Variants in RASSF5 observed in about 807,000 individuals in gnomAD.
RASSF5 encodes Ras association domain family member 5.
A neutral mutation model predicts 40.5 loss-of-function variants in RASSF5; 25 were observed. The ratio of observed to expected loss-of-function variants is 0.62; its 90% confidence interval spans 0.45 to 0.86. RASSF5 has a LOEUF of 0.86. RASSF5 is among the 40% of genes least tolerant of loss of function. The probability of loss-of-function intolerance (pLI) is 0.00; values close to 1 mark genes in which losing one functional copy is unlikely to be tolerated. For synonymous variants in RASSF5, 246 were observed against 252.4 expected (o/e 0.97, Z 0.24); for missense variants, 521 against 572.8 (o/e 0.91, Z 0.92).
chr1:206,513,211 C>A lies in RASSF5; in HGVS notation c.457+5152C>A, dbSNP rs149387595. On this transcript the variant is annotated intron_variant, in intron 1 of 5. Coordinates refer to ENST00000579436, the MANE Select transcript of RASSF5 (RefSeq NM_182663.4). The surrounding 1 kb of genome is among the most constrained non-coding windows in gnomAD (Gnocchi z 5.0). ...TTCTCCCACAGGGTTCTCTCTGGCTCCCACACCCACCCCTCATTCCTCAGT... is the reference window on the plus strand; with the variant it reads ...TTCTCCCACAGGGTTCTCTCTGGCTACCACACCCACCCCTCATTCCTCAGT... Among the ~76,000 whole-genome samples the A allele has an allele frequency of 5.9e-5, 9 of 152,306 alleles. No individual in the cohort carries two copies. Among genetic ancestry groups the A allele is most frequent in the African/African-American group, 2.2e-4 (9 of 41,560 alleles).
chr1:206,519,534 CATCTGGCTGGGTCTGG>C (rs1392990917), intron 1 of RASSF5, among the ~76,000 whole-genome samples: 1 of 152,192 alleles, frequency 6.6e-6, no homozygotes, highest in Non-Finnish European at 1.5e-5. Context: ...AGGTCATTGC[CATCTGGCTGGGTCTGG>C]AACCTGCTTC....
chr1:206,507,966 G>C lies in RASSF5; in HGVS notation c.364G>C (p.Gly122Arg). 6.5e-7 allele frequency: 1 copy of C among 1,537,014 alleles called. No homozygotes were observed. The highest frequency in any genetic ancestry group is 8.7e-7 in the Non-Finnish European group (1 of 1,149,080). ...CAGAGTCCCGGCGGAGCGAGGCGAG[G>C]GGCACTGCTTCGCCGAGTTGGTGCT... ...DPRVPAERGEGHCFAELVLPG... is the reference protein window; with the variant it reads ...DPRVPAERGERHCFAELVLPG... The change falls in exon 1 of 6, where the codon GGG (glycine) becomes CGG (arginine). Residue 122 changes from glycine to arginine, a missense_variant. This residue lies in a region of RASSF5 where 237 missense variants were observed against 212.0 expected (regional missense o/e 1.12). Coordinates refer to ENST00000579436, the MANE Select transcript of RASSF5 (RefSeq NM_182663.4).
intron 1 of RASSF5, among the ~76,000 whole-genome samples, chr1:206,537,716 T>C (rs145790598): frequency 9.9e-5 from 15 of 152,266 alleles, no homozygotes; most frequent in African/African-American, 3.6e-4. Context: ...GGAGATCTGA[T>C]TTTCAGCTTG....
At chr1:206,542,647 C>T (rs1310810173) in intron 2 of RASSF5, 3 of 152,380 alleles carry the variant, frequency 2.0e-5, no homozygotes, top group South Asian at 2.1e-4. Flanking sequence ...CTCCCATGGC[C>T]GTTCCCAGAC....
intron 1 of RASSF5, among the ~76,000 whole-genome samples, chr1:206,523,423 T>C (rs369577405): frequency 1.0e-5 from 1 of 96,798 alleles, no homozygotes; most frequent in African/African-American, 3.7e-5. Flanking sequence ...ATATTATATA[T>C]TATATAATAT....
chr1:206,542,558 C>T (rs1019350431), intron 2 of RASSF5: 1 of 152,166 alleles, frequency 6.6e-6, no homozygotes, highest in Admixed American at 6.5e-5. Flanking sequence ...TATATAGCAA[C>T]ACAAAATGGA....
intron 1 of RASSF5, 145 bp from the exon 2 acceptor site, chr1:206,538,027 C>A: frequency 8.6e-7 from 1 of 1,160,138 alleles, no homozygotes; most frequent in Non-Finnish European, 1.3e-6. Flanking sequence ...GGGTGGCATT[C>A]TCACGCTGTC....
In RASSF5 at chr1:206,589,159, G is replaced by A. The variant is rs1346795658; in HGVS notation, c.*2181G>A. 3 of 152,670 alleles carry A rather than the reference G, an allele frequency of 2.0e-5. No homozygotes were observed. The highest frequency in any genetic ancestry group is 2.9e-5 in the Non-Finnish European group (2 of 68,006). 9.5% of individuals were successfully genotyped at this position (152,670 alleles called of 1,614,324 possible). ...AGAGGTGGGAGTAACTGCTGGTAGT[G>A]CCTTCTTTGGTTGTGTTGCTCAGTG... On this transcript the variant is annotated 3_prime_UTR_variant, in exon 6 of 6. Transcript: ENST00000579436.
At chr1:206,526,269 A>AGTGTGTGGGTGTGT (rs1553397197) in intron 1 of RASSF5, among the ~76,000 whole-genome samples, 1 of 143,034 alleles carries the variant, frequency 7.0e-6, no homozygotes, top group African/African-American at 2.7e-5. Flanking sequence ...GCTTTCTGGC[A>AGTGTGTGGGTGTGT]GTGTGTGTGT....
At chr1:206,515,337 A>T (rs190798924) in intron 1 of RASSF5, among the ~76,000 whole-genome samples, 1 of 152,358 alleles carries the variant, frequency 6.6e-6, no homozygotes, top group African/African-American at 2.4e-5. Flanking sequence ...CTTTAGAAAA[A>T]GGGTGAAGTT....
At chr1:206,528,202 A>G (rs1196755729) in intron 1 of RASSF5, among the ~76,000 whole-genome samples, 1 of 152,146 alleles carries the variant, frequency 6.6e-6, no homozygotes, top group Non-Finnish European at 1.5e-5. Context: ...GGAGCCTCAT[A>G]AATATATATA....
At position 206,584,772 on chromosome 1, in the gene RASSF5, G is replaced by C; in HGVS notation, c.988+88G>C. On this transcript the variant is annotated intron_variant, in intron 4 of 5. Transcript: ENST00000579436. The surrounding 1 kb of genome is among the most constrained non-coding windows in gnomAD (Gnocchi z 4.9). ...TAAAACTCCTGCCGGCCTTGGGTGG[G>C]AGCTGTGGGCTTCTCCTGAGCACCA... is the stretch of plus-strand genomic sequence containing the variant. 1 of 1,430,344 alleles carries C rather than the reference G, an allele frequency of 7.0e-7. No individual in the cohort carries two copies. The allele number at this position is 1,430,344 out of a possible 1,614,324, so 88.6% of individuals were successfully genotyped here. A position where few individuals can be genotyped will look rare whatever the true frequency, so the allele number is the denominator to read the frequency against.
chr1:206,566,755 T>C (rs1668299258), intron 2 of RASSF5, among the ~76,000 whole-genome samples: 1 of 152,166 alleles, frequency 6.6e-6, no homozygotes, highest in African/African-American at 2.4e-5. Context: ...TTTCCAGTTG[T>C]AACTCAGATG....
intron 2 of RASSF5, chr1:206,581,145 C>T (rs1668857442): frequency 6.6e-6 from 1 of 152,242 alleles, no homozygotes; most frequent in African/African-American, 2.4e-5. Flanking sequence ...TTCTTAAACT[C>T]AGCCTCAGTT....
chr1:206,543,570 T>TGA (rs781970603), intron 2 of RASSF5: 7 of 26,200 alleles, frequency 2.7e-4, no homozygotes, highest in Non-Finnish European at 4.0e-4. Context: ...TGTGTATGTG[T>TGA]GTGTGTGTGT....
At chr1:206,557,372 G>C (rs1668018707) in intron 2 of RASSF5, 1 of 1,342,954 alleles carries the variant, frequency 7.4e-7, no homozygotes, top group African/African-American at 1.5e-5. Context: ...CGGGCCGCCC[G>C]AGCGCTCGCA....
Position 206,507,973 on chromosome 1 carries a change from G to C in RASSF5, c.371G>C (p.Cys124Ser), listed in dbSNP as rs1030721805. 1.3e-6 allele frequency: 2 copies of C among 1,535,196 alleles called. No individual in the cohort carries two copies. The highest frequency in any genetic ancestry group is 1.4e-5 in the African/African-American group (1 of 70,964). Residue 124 changes from cysteine to serine, a missense_variant, in exon 1 of 6, where the codon TGC (cysteine) becomes TCC (serine). This residue lies in a region of RASSF5 where 237 missense variants were observed against 212.0 expected (regional missense o/e 1.12). Coordinates refer to ENST00000579436, the MANE Select transcript of RASSF5 (RefSeq NM_182663.4). ...CCGGCGGAGCGAGGCGAGGGGCACT[G>C]CTTCGCCGAGTTGGTGCTGCCGGGC... Reference protein sequence around the residue: ...RVPAERGEGHCFAELVLPGGP... With the variant: ...RVPAERGEGHSFAELVLPGGP...
intron 2 of RASSF5, among the ~76,000 whole-genome samples, chr1:206,581,636 GGA>G (rs1241313149): frequency 4.0e-5 from 6 of 150,610 alleles, no homozygotes; most frequent in Non-Finnish European, 7.4e-5. Flanking sequence ...GAGAGAGGGG[GGA>G]GAGAGAGAGA....
chr1:206,552,937 C>G lies in RASSF5; in HGVS notation c.579+14644C>G, dbSNP rs1008367534. Among the ~76,000 whole-genome samples the G allele has an allele frequency of 6.6e-6, 1 of 152,172 alleles. No individual in the cohort carries two copies. The highest frequency in any genetic ancestry group is 1.5e-5 in the Non-Finnish European group (1 of 68,040). On this transcript the variant is annotated intron_variant, in intron 2 of 5. Transcript: ENST00000579436. The surrounding 1 kb of genome is among the most constrained non-coding windows in gnomAD (Gnocchi z 4.1). The stretch of plus-strand genomic sequence containing the variant: ...TGCTCAGTAAGGCTGGGCGCGGTGG[C>G]TCACACCTGTAATCCCAGCACTTTG...
Sources: gnomAD v4.1 joint callset for allele counts (sites outside exome capture counted in the v4.1 genomes callset) on GRCh38, gnomAD v4.1.1 for gene constraint, gnomAD v4.1.1 regional missense constraint, Gnocchi (gnomAD v3.1) non-coding constraint, MANE v1.5 for transcripts, NCBI Gene and HGNC (gene_info 2026-07-23, HGNC 2026-07-21) for gene names.